The following VPS41 variants were observed in gnomAD, a reference collection of about 807,000 sequenced individuals.
The protein encoded by VPS41 is VPS41 subunit of HOPS complex, also known as vacuolar protein sorting-associated protein 41 homolog.
Under a neutral mutation model 130.9 loss-of-function variants are expected in VPS41, and 85 were observed. That is an observed-to-expected ratio of 0.65 (90% CI 0.55 to 0.78). The LOEUF is 0.78. Among genes scored for constraint, VPS41 ranks in the 30% least tolerant of loss-of-function variants. The pLI, the probability that VPS41 is intolerant of heterozygous loss-of-function variation, is 0.00. For synonymous variants in VPS41, 335 were observed against 332.9 expected (o/e 1.01, Z -0.07); for missense variants, 874 against 1,018.7 (o/e 0.86, Z 1.93).
At chr7:38,818,817 T>C (rs191001969) in intron 6 of VPS41, among the ~76,000 whole-genome samples, 1 of 152,334 alleles carries the variant, frequency 6.6e-6, no homozygotes, top group African/African-American at 2.4e-5. Flanking sequence ...TTTACTTCTA[T>C]ATACCTTCAA....
chr7:38,772,819 G>A (rs957701108), intron 12 of VPS41, among the ~76,000 whole-genome samples, 182 bp from the exon 13 acceptor site: 13 of 151,968 alleles, frequency 8.6e-5, no homozygotes, highest in African/African-American at 2.4e-4. Flanking sequence ...TGACAGAAGC[G>A]TATTTCAGTG....
intron 7 of VPS41, among the ~76,000 whole-genome samples, chr7:38,797,779 A>G (rs1192569799): frequency 6.6e-6 from 1 of 152,244 alleles, no homozygotes; most frequent in Non-Finnish European, 1.5e-5. Flanking sequence ...AAACAGGTTA[A>G]CAGGGGAAAG....
intron 12 of VPS41, 134 bp from the exon 13 acceptor site, chr7:38,772,771 C>A: frequency 1.8e-6 from 1 of 559,436 alleles, no homozygotes. Context: ...GTGTGTTTGG[C>A]TCTGCTGGAA....
chr7:38,730,831 C>T (rs1795648850), intron 25 of VPS41, among the ~76,000 whole-genome samples: 1 of 152,206 alleles, frequency 6.6e-6, no homozygotes, highest in African/African-American at 2.4e-5. Context: ...GTGCTCCAGG[C>T]CCATGGCATG....
intron 4 of VPS41, chr7:38,831,455 G>T (rs571562631): frequency 7.2e-6 from 2 of 277,240 alleles, no homozygotes; most frequent in Admixed American, 5.0e-5. Flanking sequence ...CATCACTGCA[G>T]TAAGTTCTAC....
Position 38,789,870 on chromosome 7 carries a change from G to A in VPS41, c.718-3C>T, listed in dbSNP as rs2115944869. On this transcript the variant is annotated splice_polypyrimidine_tract_variant and splice_region_variant and intron_variant, in intron 9 of 28. Coordinates refer to ENST00000310301, the MANE Select transcript of VPS41 (RefSeq NM_014396.4). ...TGCCGTTCCTTCACTGAGCACACCT[G>A]GAAAATAAGTTCGCAGGTTATTTTA... The A allele has an allele frequency of 6.2e-7, 1 of 1,613,386 alleles. No homozygotes were observed. Among genetic ancestry groups the A allele is most frequent in the Non-Finnish European group, 8.5e-7 (1 of 1,179,548 alleles).
At chr7:38,766,549 T>C (rs372607542) in intron 15 of VPS41, among the ~76,000 whole-genome samples, 5 of 152,272 alleles carry the variant, frequency 3.3e-5, no homozygotes, top group African/African-American at 1.2e-4. Flanking sequence ...AAAGGTAAAA[T>C]GACGCCTTTA....
chr7:38,874,764 G>C (rs1268926687), intron 2 of VPS41, among the ~76,000 whole-genome samples: 1 of 151,976 alleles, frequency 6.6e-6, no homozygotes, highest in African/African-American at 2.4e-5. Context: ...ACCAACCCTG[G>C]GGATGAAGCT....
chr7:38,866,307 C>T (rs1205399203), intron 3 of VPS41, among the ~76,000 whole-genome samples: 2 of 152,158 alleles, frequency 1.3e-5, no homozygotes, highest in Non-Finnish European at 2.9e-5. Context: ...GTATTTTCAG[C>T]AGATTATTCT....
At chr7:38,797,096 C>G (rs779079180) in intron 7 of VPS41, 7 of 404,056 alleles carry the variant, frequency 1.7e-5, no homozygotes, top group Non-Finnish European at 3.1e-5. Flanking sequence ...TACTACAAGG[C>G]CAAGCCACAA....
At chr7:38,775,984 T>C (rs932005791) in intron 11 of VPS41, among the ~76,000 whole-genome samples, 1 of 152,180 alleles carries the variant, frequency 6.6e-6, no homozygotes, top group Non-Finnish European at 1.5e-5. Context: ...CCTATTCTTG[T>C]GCTGGCAGGA....
At chr7:38,789,518 A>G (rs1309367436) in intron 10 of VPS41, among the ~76,000 whole-genome samples, 1 of 152,058 alleles carries the variant, frequency 6.6e-6, no homozygotes, top group Non-Finnish European at 1.5e-5. Flanking sequence ...ACAGCTGGAG[A>G]GGTGGGTAGG....
intron 19 of VPS41, among the ~76,000 whole-genome samples, chr7:38,756,074 A>C (rs1196053393): frequency 6.6e-6 from 1 of 152,212 alleles, no homozygotes; most frequent in African/African-American, 2.4e-5. Flanking sequence ...AGTACAATAT[A>C]ATTGAAAAAT....
chr7:38,774,290 T>C (rs745446626), intron 11 of VPS41, 46 bp from the exon 12 acceptor site: 3 of 1,498,004 alleles, frequency 2.0e-6, no homozygotes, highest in East Asian at 2.3e-5. Flanking sequence ...TACATTTCTA[T>C]ATATCATACA....
intron 7 of VPS41, among the ~76,000 whole-genome samples, chr7:38,807,254 A>T (rs1273850650): frequency 6.6e-6 from 1 of 152,156 alleles, no homozygotes; most frequent in Non-Finnish European, 1.5e-5. Flanking sequence ...TCCTAAAACC[A>T]TATGGGGTAC....
chr7:38,876,698 A>T (rs762649366), intron 2 of VPS41, among the ~76,000 whole-genome samples: 8 of 152,212 alleles, frequency 5.3e-5, no homozygotes, highest in Non-Finnish European at 1.0e-4. Flanking sequence ...ACTAACCAGA[A>T]AACTGAGAAG....
Position 38,869,263 on chromosome 7 carries a change from C to A in VPS41, c.61-10G>T, listed in dbSNP as rs565728148. 1 of 1,592,950 alleles carries A rather than the reference C, an allele frequency of 6.3e-7. No homozygotes were observed. The highest frequency in any genetic ancestry group is 8.6e-7 in the Non-Finnish European group (1 of 1,168,562). On this transcript the variant is annotated splice_polypyrimidine_tract_variant and intron_variant, in intron 2 of 28. Transcript: ENST00000310301. ...CTTCGCTCTCTTCTTCCTGCACAAA[C>A]GGCAAAGAAAAATGACACCCGTCAG... is the stretch of plus-strand genomic sequence containing the variant.
At chr7:38,814,394 G>A (rs978024865) in intron 7 of VPS41, among the ~76,000 whole-genome samples, 20 of 152,202 alleles carry the variant, frequency 1.3e-4, no homozygotes, top group Non-Finnish European at 2.5e-4. Context: ...GCTCACGCCT[G>A]TAAGCCCAGC....
intron 25 of VPS41, among the ~76,000 whole-genome samples, chr7:38,732,348 A>C (rs1252315419): frequency 1.3e-5 from 2 of 152,254 alleles, no homozygotes; most frequent in Admixed American, 1.3e-4. Context: ...TGTATGTTTA[A>C]TTTTTCAAGT....
Sources: allele counts gnomAD v4.1 joint callset (sites outside exome capture counted in the v4.1 genomes callset), GRCh38; gene constraint gnomAD v4.1.1; transcripts MANE v1.5; gene names NCBI Gene and HGNC (gene_info 2026-07-23, HGNC 2026-07-21).